The following RASSF5 variants were observed in gnomAD, a reference collection of about 807,000 sequenced individuals.
RASSF5 encodes Ras association domain family member 5, also known as ras association domain-containing protein 5.
A neutral mutation model predicts 40.5 loss-of-function variants in RASSF5; 25 were observed. The observed-to-expected ratio is 0.62, with a 90% confidence interval of 0.45 to 0.86. The LOEUF is 0.86. Ranked by LOEUF, RASSF5 falls within the 40% of genes least tolerant of loss-of-function variation. RASSF5 has a pLI of 0.00. For missense variants in RASSF5, 521 were observed against 572.8 expected (o/e 0.91, Z 0.92); for synonymous variants, 246 against 252.4 (o/e 0.97, Z 0.24).
At chr1:206,510,450 T>C (rs1427337563) in intron 1 of RASSF5, among the ~76,000 whole-genome samples, 1 of 152,198 alleles carries the variant, frequency 6.6e-6, no homozygotes, top group Non-Finnish European at 1.5e-5. Context: ...TTAATATACA[T>C]AAGGCACTCA....
At chr1:206,583,445 C>T (rs1422933722) in intron 3 of RASSF5, 66 bp downstream of exon 3, 14 of 1,087,904 alleles carry the variant, frequency 1.3e-5, no homozygotes, top group Non-Finnish European at 2.0e-5. Flanking sequence ...GGCGCCTCTG[C>T]CCTCACTCTG....
chr1:206,583,960 T>C (rs1668996092), intron 3 of RASSF5, among the ~76,000 whole-genome samples: 1 of 152,182 alleles, frequency 6.6e-6, no homozygotes, highest in Non-Finnish European at 1.5e-5. Flanking sequence ...AGGCTGTTTC[T>C]TAGTAAAGAG....
chr1:206,585,584 C>T lies in RASSF5; in HGVS notation c.1104+289C>T, dbSNP rs145195112. 9.9e-4 allele frequency: 257 copies of T among 258,844 alleles called. 1 individual carries two copies. The highest frequency in any genetic ancestry group is 1.3e-3 in the Non-Finnish European group (178 of 133,006). 16.0% of individuals were successfully genotyped at this position (258,844 alleles called of 1,614,324 possible). The stretch of plus-strand genomic sequence containing the variant: ...CTCAGGGAGGAGGGGGACCAAGAAA[C>T]TCCCTGTGCTCAGGCACAGGCTGTT... On this transcript the variant is annotated intron_variant, in intron 5 of 5. Coordinates refer to ENST00000579436, the MANE Select transcript of RASSF5 (RefSeq NM_182663.4).
Position 206,507,782 on chromosome 1 carries a change from C to T in RASSF5, c.180C>T (p.Arg60=), listed in dbSNP as rs1413145391. 3.6e-6 allele frequency: 5 copies of T among 1,391,366 alleles called. No homozygotes were observed. Among genetic ancestry groups the T allele is most frequent in the Admixed American group, 3.8e-5 (1 of 26,630 alleles). 86.2% of individuals were successfully genotyped at this position (1,391,366 alleles called of 1,614,324 possible). ...CTGCGCCCGGGGCGCGCGAGGGGCG[C>T]AGCGCCCGGAGGGCTGCCCGGGGGA... ...LSTAPGAREG[R]SARRAARGNL... is the part of the protein sequence containing the mutation. Residue 60 remains arginine (R), a synonymous_variant, in exon 1 of 6, where the codon CGC becomes CGT. Coordinates refer to ENST00000579436, the MANE Select transcript of RASSF5 (RefSeq NM_182663.4).
intron 2 of RASSF5, among the ~76,000 whole-genome samples, chr1:206,548,436 T>A (rs554501161): frequency 2.0e-5 from 3 of 152,196 alleles, no homozygotes; most frequent in African/African-American, 7.2e-5. Context: ...AGCTCTCACA[T>A]GAAGGAACAA....
intron 1 of RASSF5, among the ~76,000 whole-genome samples, chr1:206,522,957 A>G (rs1330083736): frequency 1.3e-5 from 2 of 152,206 alleles, no homozygotes; most frequent in African/African-American, 4.8e-5. Flanking sequence ...AGCTAATTTT[A>G]GACAACAGTG....
intron 2 of RASSF5, among the ~76,000 whole-genome samples, chr1:206,575,174 C>T (rs1320235276): frequency 2.0e-5 from 3 of 152,118 alleles, no homozygotes; most frequent in African/African-American, 7.2e-5. Flanking sequence ...TGCCCCTTGC[C>T]TGCAGACGTT....
intron 1 of RASSF5, among the ~76,000 whole-genome samples, chr1:206,534,425 G>A (rs141869335): frequency 1.4e-4 from 21 of 152,212 alleles, no homozygotes; most frequent in Middle Eastern, 3.4e-3. Context: ...CTGTTCTCCC[G>A]GAGAAACTAC....
chr1:206,557,476 C>T, intron 2 of RASSF5: 1 of 1,567,974 alleles, frequency 6.4e-7, no homozygotes, highest in Non-Finnish European at 8.6e-7. Flanking sequence ...GGGCTTACGC[C>T]AAGCGGAGCC....
rs1669152499 is a variant in RASSF5, at chr1:206,587,178, CA to C, written c.*201del. On this transcript the variant is annotated 3_prime_UTR_variant, in exon 6 of 6. Coordinates refer to ENST00000579436, the MANE Select transcript of RASSF5 (RefSeq NM_182663.4). ...CTGTGCCCGCCCCCAGGCTGTGCCCCACCACAGATTCTGCCAAGGATCAGAA... is the reference window on the plus strand; with the variant it reads ...CTGTGCCCGCCCCCAGGCTGTGCCCCCCACAGATTCTGCCAAGGATCAGAA... The C allele has an allele frequency of 1.7e-6, 1 of 591,182 alleles. No homozygotes were observed. The highest frequency in any genetic ancestry group is 3.0e-6 in the Non-Finnish European group (1 of 334,128). The allele number at this position is 591,182 out of a possible 1,614,324, so 36.6% of individuals were successfully genotyped here.
chr1:206,555,321 G>A (rs1667949422), intron 2 of RASSF5, among the ~76,000 whole-genome samples: 1 of 152,044 alleles, frequency 6.6e-6, no homozygotes, highest in Non-Finnish European at 1.5e-5. Context: ...AGAGCTTCCC[G>A]GCATGAATCC....
At chr1:206,532,906 A>G (rs6673717) in intron 1 of RASSF5, among the ~76,000 whole-genome samples, 9,601 of 152,170 alleles carry the variant, frequency 0.063, 423 homozygotes, top group African/African-American at 0.13. Flanking sequence ...CAACATACCC[A>G]TTTTCTAGTT....
rs1669197017 is a variant in RASSF5, at chr1:206,588,102, G to A, written c.*1124G>A. 6.5e-6 allele frequency: 1 copy of A among 152,806 alleles called. No individual in the cohort carries two copies. Among genetic ancestry groups the A allele is most frequent in the African/African-American group, 2.4e-5 (1 of 41,484 alleles). The allele number at this position is 152,806 out of a possible 1,614,324, so 9.5% of individuals were successfully genotyped here. A position where few individuals can be genotyped will look rare whatever the true frequency, so the allele number is the denominator to read the frequency against. ...CCGGCACTGCGCTCGGAGAGCCGGT[G>A]GGCCTGGCCTCCCCGTCGACCTCAG... is the stretch of plus-strand genomic sequence containing the variant. On this transcript the variant is annotated 3_prime_UTR_variant, in exon 6 of 6. Transcript: ENST00000579436.
chr1:206,588,573 A>G lies in RASSF5; in HGVS notation c.*1595A>G, dbSNP rs949449104. The G allele has an allele frequency of 6.6e-6, 1 of 152,300 alleles. No homozygotes were observed. The highest frequency in any genetic ancestry group is 1.5e-5 in the Non-Finnish European group (1 of 68,052). 9.4% of individuals were successfully genotyped at this position (152,300 alleles called of 1,614,324 possible). On this transcript the variant is annotated 3_prime_UTR_variant, in exon 6 of 6. Coordinates refer to ENST00000579436, the MANE Select transcript of RASSF5 (RefSeq NM_182663.4). ...TCCCTCTTGGGTCGGTTCAAGCCCA[A>G]GCTTGTTCGTGTAGCTTCAGAAGTT...
chr1:206,582,191 T>C (rs1236345207), intron 2 of RASSF5, among the ~76,000 whole-genome samples: 1 of 152,188 alleles, frequency 6.6e-6, no homozygotes, highest in African/African-American at 2.4e-5. Context: ...GAGAACTGAC[T>C]GAGGGACAGT....
chr1:206,578,260 G>GTGTGTGTA (rs1339815554), intron 2 of RASSF5, among the ~76,000 whole-genome samples: 2 of 151,170 alleles, frequency 1.3e-5, no homozygotes, highest in African/African-American at 4.8e-5. Context: ...GTGTGTGTGT[G>GTGTGTGTA]TGTAAGTAGA....
At position 206,589,402 on chromosome 1, in the gene RASSF5, G is replaced by C. The variant is rs1669269932; in HGVS notation, c.*2424G>C. ...TCAGATTTTCTTTTGCCAGTGAGCA[G>C]AGAAATGAAGGCTACTGTTCAAATA... On this transcript the variant is annotated 3_prime_UTR_variant, in exon 6 of 6. Transcript: ENST00000579436. The C allele has an allele frequency of 6.6e-6, 1 of 152,498 alleles. No homozygotes were observed. The highest frequency in any genetic ancestry group is 2.4e-5 in the African/African-American group (1 of 41,446). The allele number at this position is 152,498 out of a possible 1,614,324, so 9.4% of individuals were successfully genotyped here.
intron 2 of RASSF5, among the ~76,000 whole-genome samples, chr1:206,565,016 C>T (rs1234316734): frequency 6.6e-6 from 1 of 152,178 alleles, no homozygotes; most frequent in Non-Finnish European, 1.5e-5. Flanking sequence ...CGCCCCACCT[C>T]TCTTCCTAGC....
At chr1:206,518,135 T>C (rs112093681) in intron 1 of RASSF5, among the ~76,000 whole-genome samples, 101 of 152,130 alleles carry the variant, frequency 6.6e-4, no homozygotes, top group Middle Eastern at 3.4e-3. Context: ...GCAGCCTGTT[T>C]GGTGGGGGCA....
Sources: allele counts gnomAD v4.1 joint callset (sites outside exome capture counted in the v4.1 genomes callset), GRCh38; gene constraint gnomAD v4.1.1; transcripts MANE v1.5; gene names NCBI Gene and HGNC (gene_info 2026-07-23, HGNC 2026-07-21).